COL26A1: variants seen among roughly 807,000 people sequenced by gnomAD.
The protein encoded by COL26A1 is collagen alpha-1(XXVI) chain.
In COL26A1, 41 loss-of-function variants were observed where a neutral mutation model predicts 59.3. The observed-to-expected ratio is 0.69, with a 90% CI of 0.54 to 0.90. The LOEUF (loss-of-function observed/expected upper bound fraction) is 0.90, where lower values mean the gene tolerates loss of function less well. Ranked by LOEUF, COL26A1 falls within the 40% of genes least tolerant of loss-of-function variation. The probability of loss-of-function intolerance (pLI) is 0.00; values close to 1 mark genes in which losing one functional copy is unlikely to be tolerated. For synonymous variants in COL26A1, 266 were observed against 256.0 expected (o/e 1.04, Z -0.37); for missense variants, 612 against 602.3 (o/e 1.02, Z -0.17).
In COL26A1 at chr7:101,409,474, C is replaced by T. The variant is rs113528709; in HGVS notation, c.159-10503C>T. 8.1e-3 allele frequency among the ~76,000 whole-genome samples: 1,235 copies of T among 152,254 alleles called. 22 individuals carry two copies. The highest frequency in any genetic ancestry group is 0.028 in the African/African-American group (1,175 of 41,552). On this transcript the variant is annotated intron_variant, in intron 1 of 12. Coordinates refer to ENST00000313669, the MANE Select transcript of COL26A1 (RefSeq NM_001278563.3). ...CTGCATGTCACATTGTTGAGAAGAC[C>T]GAACAGAAGAATGTACATGTATTCA...
intron 10 of COL26A1, 87 bp downstream of exon 10, chr7:101,551,230 T>TGGGGGGGGGGTTTGGG: frequency 7.0e-5 from 8 of 113,764 alleles, no homozygotes; most frequent in South Asian, 5.2e-4. Context: ...CGGGGGTTGG[T>TGGGGGGGGGGTTTGGG]GGGGGGGTTC....
Position 101,400,351 on chromosome 7 carries a change from C to CTTTTTTTTTTTT in COL26A1, c.159-19625_159-19624insTTTTTTTTTTTT, listed in dbSNP as rs1387032420. Among the ~76,000 whole-genome samples, 8 of 123,352 alleles carry CTTTTTTTTTTTT rather than the reference C, an allele frequency of 6.5e-5. 3 individuals are homozygous for CTTTTTTTTTTTT. The highest frequency in any genetic ancestry group is 5.1e-5 in the Non-Finnish European group (3 of 59,072). 80.9% of individuals were successfully genotyped at this position (123,352 alleles called of 152,430 possible). On this transcript the variant is annotated intron_variant, in intron 1 of 12. Transcript: ENST00000313669. ...GTCCACACTGCCTTTCTTTTTTTTC[C>CTTTTTTTTTTTT]TATTTTTTTTTTTTTTTTTTTTTTT...
intron 2 of COL26A1, among the ~76,000 whole-genome samples, chr7:101,434,164 C>T (rs1792853703): frequency 3.1e-5 from 1 of 32,162 alleles, no homozygotes; most frequent in Non-Finnish European, 6.4e-5. Flanking sequence ...CTCGTTCTTT[C>T]TCTCCCCTTC....
At chr7:101,470,235 G>A (rs1363835882) in intron 3 of COL26A1, among the ~76,000 whole-genome samples, 3 of 152,052 alleles carry the variant, frequency 2.0e-5, no homozygotes, top group South Asian at 2.1e-4. Context: ...GAATAGTTGG[G>A]ATTACAGGCG....
At chr7:101,489,811 TTTCTTTC>T (rs1794388780) in intron 3 of COL26A1, among the ~76,000 whole-genome samples, 1 of 3,250 alleles carries the variant, frequency 3.1e-4, no homozygotes, top group South Asian at 8.8e-3. Flanking sequence ...TCTTTCTTTC[TTTCTTTC>T]TTTCTTTCTT....
At chr7:101,445,377 C>T (rs559886523) in intron 2 of COL26A1, among the ~76,000 whole-genome samples, 2 of 152,018 alleles carry the variant, frequency 1.3e-5, no homozygotes, top group South Asian at 4.2e-4. Context: ...GCCGGCATCT[C>T]CTTGGCTTCT....
intron 4 of COL26A1, among the ~76,000 whole-genome samples, chr7:101,535,250 C>G (rs952549751): frequency 2.6e-5 from 4 of 152,146 alleles, no homozygotes; most frequent in African/African-American, 7.2e-5. Flanking sequence ...GGGGCCAGGA[C>G]CCCCTAGAAT....
intron 1 of COL26A1, among the ~76,000 whole-genome samples, chr7:101,364,062 G>A (rs979231922): frequency 3.3e-5 from 5 of 152,134 alleles, no homozygotes; most frequent in Non-Finnish European, 7.4e-5. Context: ...CAGGGTCACC[G>A]GGCCCGGGCG....
chr7:101,471,583 T>G (rs1197731654), intron 3 of COL26A1, among the ~76,000 whole-genome samples: 3 of 92,458 alleles, frequency 3.2e-5, no homozygotes, highest in East Asian at 4.1e-4. Context: ...TTTTTTTTTT[T>G]TTTTTTTTTT....
chr7:101,460,716 G>A (rs949554531), intron 3 of COL26A1, among the ~76,000 whole-genome samples: 6 of 151,892 alleles, frequency 4.0e-5, no homozygotes, highest in Admixed American at 2.6e-4. Flanking sequence ...GGGAGGCGGA[G>A]GTTCCAATAA....
In COL26A1 at chr7:101,431,211, C is replaced by G. The variant is rs117891330; in HGVS notation, c.281+11112C>G. ...AATTGTTTGTTCACAATAAAACATT[C>G]TGCTACTAAAGATGATATTAAATGT... On this transcript the variant is annotated intron_variant, in intron 2 of 12. Transcript: ENST00000313669. 1.1e-3 allele frequency among the ~76,000 whole-genome samples: 175 copies of G among 152,270 alleles called. 2 individuals carry two copies. The East Asian group carries it at 0.03, about 26-fold the overall frequency.
intron 3 of COL26A1, among the ~76,000 whole-genome samples, chr7:101,524,593 AGTAT>A (rs1795203287): frequency 1.3e-5 from 2 of 152,214 alleles, no homozygotes; most frequent in African/African-American, 4.8e-5. Context: ...CCATGAACAT[AGTAT>A]ATCTTTCCAT....
chr7:101,543,878 A>T (rs1205384568), intron 5 of COL26A1, 120 bp from the exon 6 acceptor site: 3 of 630,230 alleles, frequency 4.8e-6, no homozygotes, highest in Non-Finnish European at 8.4e-6. Flanking sequence ...CTGTTTAGGG[A>T]GTCCCAGGTA....
intron 3 of COL26A1, among the ~76,000 whole-genome samples, chr7:101,474,843 A>G (rs1018490703): frequency 2.0e-5 from 3 of 152,246 alleles, no homozygotes; most frequent in Non-Finnish European, 4.4e-5. Context: ...GTGTATTTTT[A>G]TGCTAAATTT....
chr7:101,520,094 C>T (rs539896965), intron 3 of COL26A1, among the ~76,000 whole-genome samples: 1 of 152,294 alleles, frequency 6.6e-6, no homozygotes, highest in East Asian at 1.9e-4. Context: ...AGGGAGTGTC[C>T]TTATCTTTAG....
Position 101,453,757 on chromosome 7 carries a change from G to T in COL26A1, c.385+5970G>T, listed in dbSNP as rs995555029. ...ACCCTTGTAAAGATTTTACATTCCC[G>T]AATATAAACCAATAAAGACAGCAGG... is the stretch of plus-strand genomic sequence containing the variant. On this transcript the variant is annotated intron_variant, in intron 3 of 12. Coordinates refer to ENST00000313669, the MANE Select transcript of COL26A1 (RefSeq NM_001278563.3). Among the ~76,000 whole-genome samples the T allele has an allele frequency of 9.9e-5, 15 of 152,210 alleles. No homozygotes were observed. In the East Asian group the frequency reaches 2.7e-3, roughly 27 times the overall value.
intron 3 of COL26A1, among the ~76,000 whole-genome samples, chr7:101,526,389 G>A (rs940922542): frequency 7.2e-5 from 11 of 152,154 alleles, no homozygotes; most frequent in Non-Finnish European, 1.3e-4. Context: ...GCTGGGCCCT[G>A]GTTGGGGTGG....
rs374289358 is a variant in COL26A1, at chr7:101,490,065, T to C, written c.385+42278T>C. Among the ~76,000 whole-genome samples the C allele has an allele frequency of 7.9e-5, 12 of 150,970 alleles. No individual in the cohort carries two copies. The South Asian group carries it at 8.4e-4, about 11-fold the overall frequency. On this transcript the variant is annotated intron_variant, in intron 3 of 12. Coordinates refer to ENST00000313669, the MANE Select transcript of COL26A1 (RefSeq NM_001278563.3). ...GATTCTACTGTCTCAGCCTCTCAAG[T>C]AGCTGGGACTACAGGCACCTGCCAC...
chr7:101,532,431 T>C (rs1195660450), intron 3 of COL26A1, among the ~76,000 whole-genome samples: 1 of 152,200 alleles, frequency 6.6e-6, no homozygotes, highest in Non-Finnish European at 1.5e-5. Flanking sequence ...GTGTTCTGAG[T>C]TGGCCAACCT....
Sources: allele counts gnomAD v4.1 joint callset (sites outside exome capture counted in the v4.1 genomes callset), GRCh38; gene constraint gnomAD v4.1.1; transcripts MANE v1.5; gene names NCBI Gene and HGNC (gene_info 2026-07-23, HGNC 2026-07-21).